The following NRP2 variants were observed in gnomAD, a reference collection of about 807,000 sequenced individuals.
NRP2 encodes the protein neuropilin 2.
In NRP2, 52 loss-of-function variants were observed where a neutral mutation model predicts 110.4. That is an observed-to-expected ratio of 0.47 (90% confidence interval 0.38 to 0.59). NRP2 has a LOEUF of 0.59. NRP2 is among the 20% of genes least tolerant of loss of function. The pLI is 0.00. For missense variants in NRP2, 1,049 were observed against 1,203.0 expected (o/e 0.87, Z 1.89); for synonymous variants, 508 against 468.9 (o/e 1.08, Z -1.08).
chr2:205,722,141 AATCC>A, intron 3 of NRP2: 1 of 350,982 alleles, frequency 2.8e-6, no homozygotes, highest in Non-Finnish European at 5.3e-6. Context: ...TTTTCAAGAG[AATCC>A]CTCTCTCTCT....
chr2:205,752,597 A>G (rs1388586499), intron 11 of NRP2: 2 of 534,430 alleles, frequency 3.7e-6, no homozygotes, highest in African/African-American at 1.9e-5. Flanking sequence ...AGCCTCATTC[A>G]TAATTGCTTA....
chr2:205,795,177 C>T lies in NRP2; in HGVS notation c.*119C>T, dbSNP rs1199552818. The T allele has an allele frequency of 2.9e-6, 3 of 1,036,238 alleles. No homozygotes were observed. Among genetic ancestry groups the T allele is most frequent in the Non-Finnish European group, 4.4e-6 (3 of 689,112 alleles). The allele number at this position is 1,036,238 out of a possible 1,614,324, so 64.2% of individuals were successfully genotyped here. A position where few individuals can be genotyped will look rare whatever the true frequency, so the allele number is the denominator to read the frequency against. ...ATCTCGATCAAACCGATCCAGAATA[C>T]CGAAGGTATGGACAGGACAGAAAAG... is the stretch of plus-strand genomic sequence containing the variant. On this transcript the variant is annotated 3_prime_UTR_variant, in exon 17 of 17. Coordinates refer to ENST00000357785, the MANE Select transcript of NRP2 (RefSeq NM_003872.3).
intron 12 of NRP2, among the ~76,000 whole-genome samples, chr2:205,760,227 T>C (rs2057799869): frequency 6.6e-6 from 1 of 152,164 alleles, no homozygotes; most frequent in Non-Finnish European, 1.5e-5. Flanking sequence ...TTCTTCTCCC[T>C]TCCTTGGGCT....
At chr2:205,754,784 T>A (rs536642545) in intron 12 of NRP2, among the ~76,000 whole-genome samples, 2 of 143,306 alleles carry the variant, frequency 1.4e-5, no homozygotes, top group East Asian at 4.0e-4. Context: ...TGCATGAGTG[T>A]GTTTGTGGTT....
chr2:205,695,231 T>C (rs1056825124), intron 1 of NRP2, among the ~76,000 whole-genome samples: 3 of 152,248 alleles, frequency 2.0e-5, no homozygotes, highest in African/African-American at 7.2e-5. Flanking sequence ...ATGACTCCTT[T>C]TTCTTTTGGT....
intron 3 of NRP2, among the ~76,000 whole-genome samples, chr2:205,716,705 A>G (rs2056904258): frequency 6.6e-6 from 1 of 152,114 alleles, no homozygotes; most frequent in Non-Finnish European, 1.5e-5. Flanking sequence ...GAAAAAGCAA[A>G]ACTCTGATGA....
chr2:205,725,877 A>G lies in NRP2; in HGVS notation c.821-36A>G, dbSNP rs762392335. 3.0e-5 allele frequency: 49 copies of G among 1,612,250 alleles called. No homozygotes were observed. The highest frequency in any genetic ancestry group is 4.1e-5 in the Non-Finnish European group (48 of 1,179,396). On this transcript the variant is annotated intron_variant, in intron 5 of 16. Coordinates refer to ENST00000357785, the MANE Select transcript of NRP2 (RefSeq NM_003872.3). The surrounding 1 kb of genome is among the most constrained non-coding windows in gnomAD (Gnocchi z 4.1). ...GGGGGATCCCGAGGTATGAGGTTGG[A>G]AGGCCTAACTGCATTTGACCGTCTG...
intron 15 of NRP2, among the ~76,000 whole-genome samples, chr2:205,770,943 G>A (rs2058013074): frequency 1.3e-5 from 2 of 152,188 alleles, no homozygotes; most frequent in South Asian, 4.1e-4. Flanking sequence ...ACAGAGGCCT[G>A]ACACGTCCCC....
chr2:205,734,865 C>G (rs192663856), intron 7 of NRP2, among the ~76,000 whole-genome samples: 60 of 152,294 alleles, frequency 3.9e-4, no homozygotes, highest in African/African-American at 1.1e-3. Flanking sequence ...GGAAATATTT[C>G]CCTGCTTTCT....
chr2:205,764,020 A>G, intron 13 of NRP2, 84 bp downstream of exon 13: 2 of 1,541,578 alleles, frequency 1.3e-6, no homozygotes, highest in Non-Finnish European at 1.8e-6. Flanking sequence ...GAACGTGGTT[A>G]AGCGCTACTG....
chr2:205,795,261 G>T lies in NRP2; in HGVS notation c.*203G>T, dbSNP rs182574711. 3 of 610,874 alleles carry T rather than the reference G, an allele frequency of 4.9e-6. No homozygotes were observed. Among genetic ancestry groups the T allele is most frequent in the Non-Finnish European group, 8.8e-6 (3 of 340,574 alleles). 37.8% of individuals were successfully genotyped at this position (610,874 alleles called of 1,614,324 possible). A position where few individuals can be genotyped will look rare whatever the true frequency, so the allele number is the denominator to read the frequency against. On this transcript the variant is annotated 3_prime_UTR_variant, in exon 17 of 17. Transcript: ENST00000357785. ...AGGGGATGATTACCCTCCTAGGACC[G>T]CGGTGGCTAAGTCATTGCAGGAACG...
At chr2:205,746,523 G>A (rs2057541770) in intron 10 of NRP2, among the ~76,000 whole-genome samples, 1 of 152,198 alleles carries the variant, frequency 6.6e-6, no homozygotes, top group African/African-American at 2.4e-5. Context: ...GCCCTTCTGA[G>A]TCAGGCCCTA....
intron 2 of NRP2, among the ~76,000 whole-genome samples, chr2:205,711,111 C>A (rs1029920316): frequency 6.6e-6 from 1 of 152,236 alleles, no homozygotes; most frequent in Non-Finnish European, 1.5e-5. Context: ...TAAAATGGAT[C>A]AAACTCCACG....
chr2:205,728,764 C>T (rs2057179521), intron 7 of NRP2, among the ~76,000 whole-genome samples: 2 of 152,234 alleles, frequency 1.3e-5, no homozygotes, highest in African/African-American at 4.8e-5. Context: ...ATATACACAG[C>T]ACACTCAGCC....
chr2:205,694,914 A>G (rs78546133), intron 1 of NRP2, among the ~76,000 whole-genome samples: 5,705 of 152,336 alleles, frequency 0.037, 178 homozygotes, highest in Non-Finnish European at 0.057. Context: ...AAATTCTAGT[A>G]TTTATCTTTG....
chr2:205,736,427 C>CT (rs1171297470), intron 7 of NRP2, among the ~76,000 whole-genome samples: 1 of 152,318 alleles, frequency 6.6e-6, no homozygotes, highest in East Asian at 1.9e-4. Context: ...ACATTCCTAT[C>CT]TGAGTATAAC....
chr2:205,792,749 C>T (rs1402708955), intron 16 of NRP2, among the ~76,000 whole-genome samples: 1 of 152,162 alleles, frequency 6.6e-6, no homozygotes, highest in Non-Finnish European at 1.5e-5. Flanking sequence ...GAGCTTCTTG[C>T]AAGATTTCGG....
intron 5 of NRP2, among the ~76,000 whole-genome samples, chr2:205,724,713 A>AG (rs2057093662): frequency 1.7e-5 from 2 of 117,106 alleles, no homozygotes; most frequent in South Asian, 5.8e-4. Flanking sequence ...CCCAGGCTGG[A>AG]GTGCAGTGGC....
intron 6 of NRP2, 46 bp from the exon 7 acceptor site, chr2:205,727,845 C>T (rs1172081335): frequency 6.3e-7 from 1 of 1,579,892 alleles, no homozygotes; most frequent in African/African-American, 1.3e-5. Context: ...AGACACTGCC[C>T]TGTGTTGGGA....
Sources: allele counts gnomAD v4.1 joint callset (sites outside exome capture counted in the v4.1 genomes callset), GRCh38; gene constraint gnomAD v4.1.1; non-coding constraint Gnocchi (gnomAD v3.1); transcripts MANE v1.5; gene names NCBI Gene and HGNC (gene_info 2026-07-23, HGNC 2026-07-21).